Variants in ISLR2 observed in about 807,000 individuals in gnomAD.
ISLR2 encodes immunoglobulin superfamily containing leucine rich repeat 2.
ISLR2 carries 16 observed loss-of-function variants against 25.5 expected under a neutral mutation model. The observed-to-expected ratio is 0.63, with a 90% CI of 0.43 to 0.95. ISLR2 has a LOEUF of 0.95. ISLR2 is among the 40% of genes least tolerant of loss of function. The probability of loss-of-function intolerance (pLI) is 0.00; values close to 1 mark genes in which losing one functional copy is unlikely to be tolerated. For missense variants in ISLR2, 883 were observed against 1,030.7 expected, an observed-to-expected ratio of 0.86 and a Z score of 1.96; for synonymous variants, 508 against 486.6, an observed-to-expected ratio of 1.04 and a Z score of -0.58.
upstream of ISLR2, chr15:74,129,138 C>G (rs1188109141): frequency 4.5e-6 from 2 of 445,356 alleles, no homozygotes; most frequent in Non-Finnish European, 9.0e-6. The surrounding 1 kb of genome is among the most constrained non-coding windows in gnomAD (Gnocchi z 4.5). Flanking sequence ...GTGTGAAGTT[C>G]TGTGTTCTGA....
At chr15:74,123,365 G>T (rs2072268216), upstream of ISLR2, among the ~76,000 whole-genome samples, 2 of 152,158 alleles carry the variant, frequency 1.3e-5, no homozygotes, top group African/African-American at 4.8e-5. Flanking sequence ...TCAGATGGCA[G>T]CCTGCGGCCC....
Position 74,133,372 on chromosome 15 carries a change from C to T in ISLR2, c.618C>T (p.Pro206=), listed in dbSNP as rs766185298. 1 of 1,608,012 alleles carries T rather than the reference C, an allele frequency of 6.2e-7. No individual in the cohort carries two copies. The highest frequency in any genetic ancestry group is 1.1e-5 in the South Asian group (1 of 91,058). The change falls in exon 3 of 3, where the codon CCC becomes CCT. Residue 206 remains proline, a synonymous_variant. Transcript: ENST00000453268. ...AASTRVSLPE[P]DSIACASPPA... ...GCACCCGGGTGTCCTTACCCGAGCC[C>T]GACTCCATTGCTTGTGCCTCGCCTC...
intron 2 of ISLR2, among the ~76,000 whole-genome samples, chr15:74,121,296 G>A (rs2072250831): frequency 6.6e-6 from 1 of 152,178 alleles, no homozygotes; most frequent in South Asian, 2.1e-4. Context: ...GTTCCCAGCT[G>A]AGTCTGGAGA....
In ISLR2 at chr15:74,133,706, A is replaced by G; in HGVS notation, c.952A>G (p.Thr318Ala). 6.2e-7 allele frequency: 1 copy of G among 1,607,784 alleles called. No homozygotes were observed. Among genetic ancestry groups the G allele is most frequent in the Admixed American group, 1.7e-5 (1 of 58,958 alleles). Reference sequence around the variant, plus strand: ...GACGCAGACCCAAGCCCAAACGCCGACTCCAGCACCCGCTTGGCCGGCGCC... The same window carrying G: ...GACGCAGACCCAAGCCCAAACGCCGGCTCCAGCACCCGCTTGGCCGGCGCC... ...LLTQTQAQTP[T>A]PAPAWPAPPA... The change falls in exon 3 of 3, where the codon ACT becomes GCT. Residue 318 changes from threonine (T) to alanine (A), a missense_variant. Thr to Ala is a moderately conservative substitution (Grantham distance 58, BLOSUM62 0). Transcript: ENST00000453268.
Position 74,133,039 on chromosome 15 carries a change from G to A in ISLR2, c.285G>A (p.Leu95=), listed in dbSNP as rs2072463310. ...TGCGCACCGTGGAGCCAGGCGCACT[G>A]GCCGTGCTGAGTCAGCTCAAGAACC... is the stretch of plus-strand genomic sequence containing the variant. The part of the protein sequence containing the change: ...NEVRTVEPGA[L]AVLSQLKNLD... The change falls in exon 3 of 3, where the codon CTG becomes CTA. Residue 95 remains leucine, a synonymous_variant. Coordinates refer to ENST00000453268, the MANE Select transcript of ISLR2 (RefSeq NM_020851.3). 2 of 1,613,068 alleles carry A rather than the reference G, an allele frequency of 1.2e-6. No individual in the cohort carries two copies. The highest frequency in any genetic ancestry group is 2.2e-5 in the East Asian group (1 of 44,890).
chr15:74,133,099 G>C lies in ISLR2; in HGVS notation c.345G>C (p.Pro115=), dbSNP rs761657377. ...GCCACAACTTCATATCCAGCTTTCCGTGGAGCGACCTGCGCAACCTGAGCG... is the reference window on the plus strand; with the variant it reads ...GCCACAACTTCATATCCAGCTTTCCCTGGAGCGACCTGCGCAACCTGAGCG... The part of the protein sequence containing the change: ...DLSHNFISSF[P]WSDLRNLSAL... Residue 115 remains proline, a synonymous_variant, in exon 3 of 3, where the codon CCG becomes CCC. Transcript: ENST00000453268. The C allele has an allele frequency of 9.9e-6, 16 of 1,612,636 alleles. No individual in the cohort carries two copies. In the Admixed American group the frequency reaches 2.7e-4, roughly 27 times the overall value.
Position 74,132,788 on chromosome 15 carries a change from G to C in ISLR2, c.34G>C (p.Ala12Pro), listed in dbSNP as rs142259530. The change falls in exon 3 of 3, where the codon GCG becomes CCG. Residue 12 changes from alanine to proline, a missense_variant. By Grantham distance (27) the Ala-to-Pro change is conservative. Transcript: ENST00000453268. The surrounding 1 kb of genome is among the most constrained non-coding windows in gnomAD (Gnocchi z 4.3). ...FPLRALWLVWALLGVAGSCPE... is the reference protein window; with the variant it reads ...FPLRALWLVWPLLGVAGSCPE... The stretch of plus-strand genomic sequence containing the variant: ...CCTTCGGGCCCTGTGGTTGGTCTGG[G>C]CGCTTCTAGGAGTGGCCGGATCATG... The C allele has an allele frequency of 6.2e-7, 1 of 1,613,580 alleles. No individual in the cohort carries two copies. The highest frequency in any genetic ancestry group is 1.7e-4 in the Middle Eastern group (1 of 6,034).
rs931124686 is a variant in ISLR2, at chr15:74,132,919, G to T, written c.165G>T (p.Thr55=). 3.1e-6 allele frequency: 5 copies of T among 1,614,082 alleles called. No individual in the cohort carries two copies. Among genetic ancestry groups the T allele is most frequent in the Non-Finnish European group, 4.2e-6 (5 of 1,179,944 alleles). Residue 55 remains threonine, a synonymous_variant, in exon 3 of 3, where the codon ACG becomes ACT. Coordinates refer to ENST00000453268, the MANE Select transcript of ISLR2 (RefSeq NM_020851.3). This position sits in a 1 kb window ranked among gnomAD's most constrained non-coding sequence, Gnocchi z 4.3. The part of the protein sequence containing the change: ...VPEGLPANVT[T]LSLSANKITV... ...AAGGACTGCCTGCCAACGTGACGAC[G>T]CTTAGTCTGTCCGCGAACAAGATCA...
At chr15:74,107,428 C>T (rs1194472204) in intron 2 of ISLR2, among the ~76,000 whole-genome samples, 1 of 152,160 alleles carries the variant, frequency 6.6e-6, no homozygotes, top group Non-Finnish European at 1.5e-5. Flanking sequence ...TCTGAAGAGC[C>T]TCAGGGGCTT....
upstream of ISLR2, chr15:74,128,952 C>G: frequency 2.2e-6 from 1 of 455,292 alleles, no homozygotes; most frequent in South Asian, 1.6e-5. Flanking sequence ...GCCTAGAAAC[C>G]TCAGGGACTC....
Position 74,130,922 on chromosome 15 carries a change from A to G in ISLR2, c.-118-285A>G, listed in dbSNP as rs111663948. On this transcript the variant is annotated intron_variant, in intron 1 of 2. Transcript: ENST00000453268. ...GTTATGGGGGTGCAGTAGGCTGCGA[A>G]GAGCCCAGCCAGGACAGTGGGCGTG... 4.6e-3 allele frequency among the ~76,000 whole-genome samples: 707 copies of G among 152,082 alleles called. 4 individuals carry two copies. Among genetic ancestry groups the G allele is most frequent in the African/African-American group, 0.016 (664 of 41,456 alleles).
chr15:74,115,652 A>G (rs2072204369), intron 2 of ISLR2, among the ~76,000 whole-genome samples: 1 of 152,050 alleles, frequency 6.6e-6, no homozygotes, highest in Non-Finnish European at 1.5e-5. Flanking sequence ...GTGAGATCAC[A>G]CCACTGCACT....
downstream of ISLR2, among the ~76,000 whole-genome samples, chr15:74,137,616 G>A (rs571828770): frequency 1.1e-3 from 172 of 152,358 alleles, 1 homozygote; most frequent in African/African-American, 3.1e-3. Context: ...TAAAACACAC[G>A]GGTTGGGCTG....
In ISLR2 at chr15:74,132,884, G is replaced by T; in HGVS notation, c.130G>T (p.Glu44Ter). 1 of 1,614,122 alleles carries T rather than the reference G, an allele frequency of 6.2e-7. No homozygotes were observed. The highest frequency in any genetic ancestry group is 8.5e-7 in the Non-Finnish European group (1 of 1,179,960). Reference sequence around the variant, plus strand: ...GGACTGCGCTTACAAAGAGTTGCGTGAGGTGCCGGAAGGACTGCCTGCCAA... The same window carrying T: ...GGACTGCGCTTACAAAGAGTTGCGTTAGGTGCCGGAAGGACTGCCTGCCAA... ...FADCAYKELR[E>*]VPEGLPANVT... The change falls in exon 3 of 3, where the codon GAG becomes TAG. Residue 44 changes from glutamate to a stop codon, truncating the protein, a stop_gained. Coordinates refer to ENST00000453268, the MANE Select transcript of ISLR2 (RefSeq NM_020851.3). LOFTEE classifies it low-confidence loss of function (END_TRUNC). The surrounding 1 kb of genome is among the most constrained non-coding windows in gnomAD (Gnocchi z 4.3).
intron 2 of ISLR2, among the ~76,000 whole-genome samples, chr15:74,107,199 G>C (rs758394784): frequency 6.6e-6 from 1 of 152,214 alleles, no homozygotes; most frequent in Non-Finnish European, 1.5e-5. Context: ...GGAAAGCCAA[G>C]GAGAAGTTGC....
Position 74,132,713 on chromosome 15 carries a change from C to T in ISLR2, c.-8-34C>T. 6.3e-7 allele frequency: 1 copy of T among 1,591,164 alleles called. No homozygotes were observed. The highest frequency in any genetic ancestry group is 8.6e-7 in the Non-Finnish European group (1 of 1,166,070). On this transcript the variant is annotated intron_variant, in intron 2 of 2. Transcript: ENST00000453268. The surrounding 1 kb of genome is among the most constrained non-coding windows in gnomAD (Gnocchi z 4.3). ...AGGTAAGCTGGGGTTCAGTGAGTCA[C>T]CTTCTTTCTTCTTCACCTGGCTTCC...
upstream of ISLR2, among the ~76,000 whole-genome samples, chr15:74,123,141 T>G (rs2072266132): frequency 6.6e-6 from 1 of 152,104 alleles, no homozygotes; most frequent in South Asian, 2.1e-4. Flanking sequence ...GTAAGTGTTT[T>G]GAAGCAGGAA....
upstream of ISLR2, chr15:74,129,304 CTT>C: frequency 3.1e-6 from 1 of 321,600 alleles, no homozygotes; most frequent in Non-Finnish European, 6.0e-6. This position sits in a 1 kb window ranked among gnomAD's most constrained non-coding sequence, Gnocchi z 4.5. Context: ...CGGGTGGTCT[CTT>C]TAGACGCTGC....
At chr15:74,109,300 G>A (rs1273252887) in intron 2 of ISLR2, among the ~76,000 whole-genome samples, 4 of 151,912 alleles carry the variant, frequency 2.6e-5, no homozygotes, top group East Asian at 3.9e-4. Flanking sequence ...TGGGAAAGGA[G>A]ACTGACCATG....
Sources: gnomAD v4.1 joint callset for allele counts (sites outside exome capture counted in the v4.1 genomes callset) on GRCh38, gnomAD v4.1.1 for gene constraint, Gnocchi (gnomAD v3.1) non-coding constraint, MANE v1.5 for transcripts, NCBI Gene and HGNC (gene_info 2026-07-23, HGNC 2026-07-21) for gene names.